CDK2AP1: variants seen among roughly 807,000 people sequenced by gnomAD.
CDK2AP1 encodes cyclin-dependent kinase 2-associated protein 1.
CDK2AP1 carries 10 observed loss-of-function variants against 14.1 expected under a neutral mutation model. That is an observed-to-expected ratio of 0.71 (90% confidence interval 0.44 to 1.20). CDK2AP1 has a LOEUF of 1.20. Ranked by LOEUF, CDK2AP1 falls within the 50% of genes most tolerant of loss-of-function variation. The pLI, the probability that CDK2AP1 is intolerant of heterozygous loss-of-function variation, is 0.00. For missense variants in CDK2AP1, 102 were observed against 149.9 expected, an observed-to-expected ratio of 0.68 and a Z score of 1.67; for synonymous variants, 59 against 59.8, an observed-to-expected ratio of 0.99 and a Z score of 0.06.
chr12:123,263,490 G>A (rs1423876239), intron 3 of CDK2AP1, among the ~76,000 whole-genome samples: 1 of 152,106 alleles, frequency 6.6e-6, no homozygotes, highest in Admixed American at 6.6e-5. Flanking sequence ...GTTGGACTCT[G>A]GGACCCAGCA....
At chr12:123,270,899 C>T in intron 1 of CDK2AP1, 1 of 985,210 alleles carries the variant, frequency 1.0e-6, no homozygotes. Flanking sequence ...TACGGGGGTC[C>T]CCGCGTGACC....
intron 1 of CDK2AP1, chr12:123,269,317 A>T (rs2048331653): frequency 6.5e-6 from 1 of 152,718 alleles, no homozygotes; most frequent in African/African-American, 2.4e-5. Flanking sequence ...AGGAGGAAGG[A>T]GAAATCGTCC....
At chr12:123,266,954 C>T (rs1484308348) in intron 2 of CDK2AP1, among the ~76,000 whole-genome samples, 1 of 152,192 alleles carries the variant, frequency 6.6e-6, no homozygotes, top group Non-Finnish European at 1.5e-5. Context: ...GCTGCTGCCC[C>T]TTCCTGGTGC....
chr12:123,270,632 A>G (rs11057224), intron 1 of CDK2AP1, among the ~76,000 whole-genome samples: 16,904 of 151,952 alleles, frequency 0.11, 1,092 homozygotes, highest in East Asian at 0.3. Context: ...CCCACTCCCC[A>G]TGGCTCCCTC....
chr12:123,267,784 C>G (rs2048312064), intron 1 of CDK2AP1: 1 of 156,052 alleles, frequency 6.4e-6, no homozygotes, highest in African/African-American at 2.4e-5. Context: ...AGACCCAACC[C>G]TGGCTGGAGA....
chr12:123,271,116 C>T (rs1156284698), intron 1 of CDK2AP1: 2 of 748,166 alleles, frequency 2.7e-6, no homozygotes, highest in African/African-American at 3.9e-5. Context: ...CGCAGCGCCC[C>T]CCGCCCGGGC....
At chr12:123,263,107 G>T (rs1442013661) in intron 3 of CDK2AP1, among the ~76,000 whole-genome samples, 1 of 146,742 alleles carries the variant, frequency 6.8e-6, no homozygotes, top group Non-Finnish European at 1.5e-5. Flanking sequence ...CCAGCTACTC[G>T]GGAGGCTGAG....
chr12:123,261,876 A>G, intron 3 of CDK2AP1, 73 bp from the exon 4 acceptor site: 1 of 1,027,094 alleles, frequency 9.7e-7, no homozygotes, highest in Non-Finnish European at 1.6e-6. Context: ...TGAAACAGCA[A>G]GAGGATCCAT....
chr12:123,263,226 A>G (rs1274185209), intron 3 of CDK2AP1, among the ~76,000 whole-genome samples: 1 of 150,068 alleles, frequency 6.7e-6, no homozygotes, highest in Non-Finnish European at 1.5e-5. Context: ...AAAAAAAAAA[A>G]CAAAAAAAAA....
rs559058845 is a variant in CDK2AP1 at position 123,265,355 on chromosome 12, C to A, written c.154-33G>T. On this transcript the variant is annotated intron_variant, in intron 2 of 3. Transcript: ENST00000261692. The surrounding 1 kb of genome is among the most constrained non-coding windows in gnomAD (Gnocchi z 5.3). ...CAGAAAGAAATGGGTTCAGCAAAAT[C>A]AGCCGGGCGTGGTGGTGCGTGCCTG... 2.5e-6 allele frequency: 4 copies of A among 1,613,240 alleles called. No individual in the cohort carries two copies. The South Asian group carries it at 4.4e-5, about 18-fold the overall frequency.
Position 123,265,579 on chromosome 12 carries a change from G to C in CDK2AP1, c.154-257C>G, listed in dbSNP as rs1385945513. Reference sequence around the variant, plus strand: ...AGGTGGGTGGAGAGGGCCCCGGGCCGGTCAGGATAGGGAACGCAGCCCAGC... The same window carrying C: ...AGGTGGGTGGAGAGGGCCCCGGGCCCGTCAGGATAGGGAACGCAGCCCAGC... On this transcript the variant is annotated intron_variant, in intron 2 of 3. Coordinates refer to ENST00000261692, the MANE Select transcript of CDK2AP1 (RefSeq NM_004642.4). This position sits in a 1 kb window ranked among gnomAD's most constrained non-coding sequence, Gnocchi z 5.3. Among the ~76,000 whole-genome samples the C allele has an allele frequency of 6.6e-6, 1 of 151,858 alleles. No homozygotes were observed. The highest frequency in any genetic ancestry group is 1.5e-5 in the Non-Finnish European group (1 of 67,972).
chr12:123,269,736 A>T (rs2048336573), intron 1 of CDK2AP1, among the ~76,000 whole-genome samples: 1 of 152,206 alleles, frequency 6.6e-6, no homozygotes, highest in Admixed American at 6.5e-5. Context: ...ACCACCGGCC[A>T]GGCCGCGGCT....
At chr12:123,270,277 C>T in intron 1 of CDK2AP1, 1 of 680,922 alleles carries the variant, frequency 1.5e-6, no homozygotes, top group Non-Finnish European at 1.8e-6. Context: ...ACTCCGAGCC[C>T]ACAAGTGAGC....
intron 3 of CDK2AP1, 63 bp from the exon 4 acceptor site, chr12:123,261,866 T>G: frequency 9.0e-7 from 1 of 1,110,114 alleles, no homozygotes; most frequent in Non-Finnish European, 1.4e-6. Flanking sequence ...AAGCCCATTC[T>G]GAAACAGCAA....
intron 3 of CDK2AP1, among the ~76,000 whole-genome samples, chr12:123,264,551 C>T (rs181192589): frequency 2.3e-4 from 34 of 150,136 alleles, no homozygotes; most frequent in African/African-American, 7.8e-4. Context: ...GCTGCACTGT[C>T]GCCTTCTAAA....
chr12:123,264,392 G>C (rs1267880760), intron 3 of CDK2AP1, among the ~76,000 whole-genome samples: 1 of 148,522 alleles, frequency 6.7e-6, no homozygotes, highest in East Asian at 2.0e-4. Context: ...CCCAGGAGGC[G>C]GAGGTTGCGG....
intron 1 of CDK2AP1, chr12:123,268,325 G>C: frequency 1.4e-6 from 1 of 735,172 alleles, no homozygotes; most frequent in Non-Finnish European, 1.7e-6. Context: ...GGTGAGGGGA[G>C]GGGCAGAGGA....
chr12:123,269,655 C>T (rs147201143), intron 1 of CDK2AP1, among the ~76,000 whole-genome samples: 2,096 of 152,270 alleles, frequency 0.014, 31 homozygotes, highest in Middle Eastern at 0.027. Context: ...TGGCGGCCTT[C>T]CCGCCACTTG....
intron 2 of CDK2AP1, among the ~76,000 whole-genome samples, chr12:123,266,067 G>A (rs1464586094): frequency 6.6e-6 from 1 of 152,042 alleles, no homozygotes; most frequent in Non-Finnish European, 1.5e-5. Flanking sequence ...AAGCCCACAA[G>A]CCCGCAAGCC....
Sources: allele counts gnomAD v4.1 joint callset (sites outside exome capture counted in the v4.1 genomes callset), GRCh38; gene constraint gnomAD v4.1.1; non-coding constraint Gnocchi (gnomAD v3.1); transcripts MANE v1.5; gene names NCBI Gene and HGNC (gene_info 2026-07-23, HGNC 2026-07-21).